The following ARL8B variants were observed in gnomAD, a reference collection of about 807,000 sequenced individuals.
ARL8B encodes ADP-ribosylation factor-like protein 8B.
ARL8B carries 9 observed loss-of-function variants against 30.6 expected under a neutral mutation model. The observed-to-expected ratio is 0.29, with a 90% confidence interval of 0.18 to 0.51. The LOEUF (loss-of-function observed/expected upper bound fraction) is 0.51, where lower values mean the gene tolerates loss of function less well. ARL8B is among the 20% of genes least tolerant of loss of function. ARL8B has a pLI of 0.97. For synonymous variants in ARL8B, 74 were observed against 76.0 expected (o/e 0.97, Z 0.14); for missense variants, 130 against 227.2 (o/e 0.57, Z 2.75).
intron 1 of ARL8B, among the ~76,000 whole-genome samples, chr3:5,134,518 G>C (rs1350440014): frequency 6.6e-6 from 1 of 152,172 alleles, no homozygotes; most frequent in Non-Finnish European, 1.5e-5. Context: ...AAATTTTCTA[G>C]GTGTGATTTG....
At chr3:5,148,881 A>C (rs982201180) in intron 1 of ARL8B, among the ~76,000 whole-genome samples, 6 of 152,172 alleles carry the variant, frequency 3.9e-5, no homozygotes, top group Non-Finnish European at 8.8e-5. Flanking sequence ...GGGGAATGTC[A>C]GAGGGAGTCT....
chr3:5,174,261 A>G, intron 5 of ARL8B, 83 bp from the exon 6 acceptor site: 4 of 1,166,694 alleles, frequency 3.4e-6, no homozygotes, highest in South Asian at 2.5e-5. Context: ...GTATAGTAAT[A>G]AAACTAATGA....
chr3:5,130,701 A>G (rs901210020), intron 1 of ARL8B, among the ~76,000 whole-genome samples: 2 of 151,140 alleles, frequency 1.3e-5, no homozygotes, highest in African/African-American at 4.9e-5. Context: ...ACGCCTGGCT[A>G]TTTTTTGTAT....
intron 1 of ARL8B, among the ~76,000 whole-genome samples, chr3:5,167,477 T>G (rs976748143): frequency 6.6e-6 from 1 of 152,232 alleles, no homozygotes; most frequent in Non-Finnish European, 1.5e-5. Context: ...ATCTGTGATG[T>G]CAGGCATCCA....
chr3:5,159,983 A>G (rs182371995), intron 1 of ARL8B, among the ~76,000 whole-genome samples: 75 of 152,354 alleles, frequency 4.9e-4, no homozygotes, highest in African/African-American at 1.5e-3. Flanking sequence ...AATAGTATCA[A>G]GGCCTGAAAA....
At chr3:5,145,962 T>C (rs2054415327) in intron 1 of ARL8B, among the ~76,000 whole-genome samples, 2 of 152,146 alleles carry the variant, frequency 1.3e-5, no homozygotes, top group East Asian at 3.8e-4. Flanking sequence ...CCTAGGAAAT[T>C]ATTATAGTGG....
intron 1 of ARL8B, among the ~76,000 whole-genome samples, chr3:5,151,341 G>C (rs976753467): frequency 3.9e-5 from 6 of 152,256 alleles, no homozygotes; most frequent in Non-Finnish European, 8.8e-5. Flanking sequence ...TACTTGGGAG[G>C]ATGAGGTAGA....
chr3:5,162,919 CT>C (rs2054594371), intron 1 of ARL8B, among the ~76,000 whole-genome samples: 1 of 150,906 alleles, frequency 6.6e-6, no homozygotes, highest in Non-Finnish European at 1.5e-5. Flanking sequence ...TCTCTCCCCA[CT>C]TTTTGGAGTC....
At chr3:5,160,301 C>G (rs1462337476) in intron 1 of ARL8B, among the ~76,000 whole-genome samples, 1 of 152,196 alleles carries the variant, frequency 6.6e-6, no homozygotes, top group Non-Finnish European at 1.5e-5. Context: ...ACAAGGGATA[C>G]TCACTAGCAA....
intron 1 of ARL8B, among the ~76,000 whole-genome samples, chr3:5,140,384 C>G (rs889570270): frequency 2.6e-5 from 4 of 152,154 alleles, no homozygotes; most frequent in Non-Finnish European, 5.9e-5. Context: ...TCACTTCTCT[C>G]TAGCCCACCA....
At chr3:5,123,449 T>G (rs1187112375) in intron 1 of ARL8B, among the ~76,000 whole-genome samples, 1 of 152,150 alleles carries the variant, frequency 6.6e-6, no homozygotes, top group South Asian at 2.1e-4. Flanking sequence ...GAAAGGTGAT[T>G]GTTTCGTTTT....
chr3:5,153,486 A>G (rs959729331), intron 1 of ARL8B, among the ~76,000 whole-genome samples: 8 of 152,214 alleles, frequency 5.3e-5, no homozygotes, highest in East Asian at 1.9e-4. Context: ...CCCCAGCCAC[A>G]TGGAACTGTT....
intron 1 of ARL8B, among the ~76,000 whole-genome samples, chr3:5,150,463 A>AAAATAAATAAATAAATAAATAAAT (rs4054853): frequency 2.3e-4 from 33 of 146,060 alleles, no homozygotes; most frequent in African/African-American, 5.8e-4. Context: ...AATCCATGTC[A>AAAATAAATAAATAAATAAATAAAT]AAATAAATAA....
At chr3:5,166,231 G>A (rs1346763068) in intron 1 of ARL8B, among the ~76,000 whole-genome samples, 1 of 151,854 alleles carries the variant, frequency 6.6e-6, no homozygotes, top group Non-Finnish European at 1.5e-5. Context: ...GTACAGACGG[G>A]GTTTCACTAT....
At chr3:5,163,582 A>T (rs2054599497) in intron 1 of ARL8B, among the ~76,000 whole-genome samples, 1 of 152,160 alleles carries the variant, frequency 6.6e-6, no homozygotes, top group South Asian at 2.1e-4. Context: ...CTTTAAAAAG[A>T]CTGCTGCTGG....
At chr3:5,145,387 C>A (rs2054410250) in intron 1 of ARL8B, among the ~76,000 whole-genome samples, 1 of 152,072 alleles carries the variant, frequency 6.6e-6, no homozygotes, top group Non-Finnish European at 1.5e-5. Flanking sequence ...GTGTGGGGTG[C>A]TTACTATTAG....
In ARL8B at chr3:5,178,796, G is replaced by C. The variant is rs772026456; in HGVS notation, c.*83G>C. 1.2e-5 allele frequency: 19 copies of C among 1,600,164 alleles called. No individual in the cohort carries two copies. The highest frequency in any genetic ancestry group is 5.1e-5 in the Admixed American group (3 of 59,160). ...TCCTCTGAAGTAATTCCCAGAATACGGTCCTTCCTAAACCCCAGAAATTGC... is the reference window on the plus strand; with the variant it reads ...TCCTCTGAAGTAATTCCCAGAATACCGTCCTTCCTAAACCCCAGAAATTGC... On this transcript the variant is annotated 3_prime_UTR_variant, in exon 7 of 7. Coordinates refer to ENST00000256496, the MANE Select transcript of ARL8B (RefSeq NM_018184.3).
chr3:5,125,371 A>G (rs147122728), intron 1 of ARL8B, among the ~76,000 whole-genome samples: 76 of 152,270 alleles, frequency 5.0e-4, no homozygotes, highest in African/African-American at 1.5e-3. Context: ...GAATCACTGT[A>G]TCTATCCAGA....
At chr3:5,147,355 CT>C (rs1305588284) in intron 1 of ARL8B, among the ~76,000 whole-genome samples, 3 of 152,110 alleles carry the variant, frequency 2.0e-5, no homozygotes, top group Non-Finnish European at 4.4e-5. Context: ...TGAACTCATC[CT>C]TTTTTATGGC....
Sources: gnomAD v4.1 joint callset for allele counts (sites outside exome capture counted in the v4.1 genomes callset) on GRCh38, gnomAD v4.1.1 for gene constraint, MANE v1.5 for transcripts, NCBI Gene and HGNC (gene_info 2026-07-23, HGNC 2026-07-21) for gene names.